The following AJAP1 variants were observed in gnomAD, a reference collection of about 807,000 sequenced individuals.
The protein encoded by AJAP1 is adherens junctions associated protein 1.
AJAP1 carries 5 observed loss-of-function variants against 35.0 expected under a neutral mutation model. The observed-to-expected ratio is 0.14, with a 90% confidence interval of 0.07 to 0.30. The LOEUF (loss-of-function observed/expected upper bound fraction) is 0.30, where lower values mean the gene tolerates loss of function less well. AJAP1 is among the 10% of genes least tolerant of loss of function. AJAP1 has a pLI of 1.00. For synonymous variants in AJAP1, 284 were observed against 249.3 expected, an observed-to-expected ratio of 1.14 and a Z score of -1.31; for missense variants, 586 against 571.0, an observed-to-expected ratio of 1.03 and a Z score of -0.27.
intron 2 of AJAP1, among the ~76,000 whole-genome samples, chr1:4,748,466 G>C (rs1641244140): frequency 6.6e-6 from 1 of 152,104 alleles, no homozygotes; most frequent in South Asian, 2.1e-4. Flanking sequence ...ACAGGGCTCT[G>C]GCTGGGTGCG....
intron 1 of AJAP1, among the ~76,000 whole-genome samples, chr1:4,685,307 G>T (rs1021341956): frequency 6.6e-6 from 1 of 152,144 alleles, no homozygotes. Flanking sequence ...GTATAATTCC[G>T]TATGAAAAAT....
intron 1 of AJAP1, among the ~76,000 whole-genome samples, chr1:4,676,628 C>T (rs115557235): frequency 0.012 from 1,852 of 152,116 alleles, 44 homozygotes; most frequent in African/African-American, 0.042. Context: ...GATGGGGGGA[C>T]GGGAGTGAGG....
At chr1:4,660,937 G>C (rs1638986251) in intron 1 of AJAP1, among the ~76,000 whole-genome samples, 1 of 152,182 alleles carries the variant, frequency 6.6e-6, no homozygotes, top group Non-Finnish European at 1.5e-5. Context: ...CAGGTTTTCG[G>C]GGTCAGCCCC....
At chr1:4,674,138 C>T (rs1188968345) in intron 1 of AJAP1, among the ~76,000 whole-genome samples, 2 of 151,498 alleles carry the variant, frequency 1.3e-5, no homozygotes, top group Non-Finnish European at 2.9e-5. Context: ...AATCTGGCCA[C>T]CCGATTTCCA....
intron 1 of AJAP1, among the ~76,000 whole-genome samples, chr1:4,678,072 C>A (rs1467442719): frequency 6.6e-6 from 1 of 152,150 alleles, no homozygotes; most frequent in African/African-American, 2.4e-5. Flanking sequence ...GAAAGCCATG[C>A]CAGCAAGACT....
intron 5 of AJAP1, 98 bp downstream of exon 5, chr1:4,774,656 G>C: frequency 2.9e-6 from 2 of 678,056 alleles, no homozygotes; most frequent in East Asian, 2.7e-5. Flanking sequence ...AGCTCTTTTA[G>C]ACATGGCGGG....
intron 2 of AJAP1, among the ~76,000 whole-genome samples, chr1:4,745,790 C>G (rs1417578095): frequency 6.6e-6 from 1 of 152,164 alleles, no homozygotes; most frequent in Non-Finnish European, 1.5e-5. Flanking sequence ...CTCTCCAAGG[C>G]CAGCGTCCTG....
rs1642165623 is a variant in AJAP1 at position 4,786,674 on chromosome 1, T to G, written c.*4189T>G. The G allele has an allele frequency of 6.6e-6, 1 of 152,204 alleles. No homozygotes were observed. The highest frequency in any genetic ancestry group is 2.4e-5 in the African/African-American group (1 of 41,464). The allele number at this position is 152,204 out of a possible 1,614,324, so 9.4% of individuals were successfully genotyped here. A position where few individuals can be genotyped will look rare whatever the true frequency, so the allele number is the denominator to read the frequency against. On this transcript the variant is annotated 3_prime_UTR_variant, in exon 6 of 6. Coordinates refer to ENST00000378191, the MANE Select transcript of AJAP1 (RefSeq NM_018836.4). The stretch of plus-strand genomic sequence containing the variant: ...TGGAGAGGTATTTTACCCTTTTGCT[T>G]CTTTGCTCAGGTGGTCCAGGGTTGT...
At chr1:4,732,568 A>G (rs1440976255) in intron 2 of AJAP1, among the ~76,000 whole-genome samples, 1 of 152,244 alleles carries the variant, frequency 6.6e-6, no homozygotes, top group African/African-American at 2.4e-5. Flanking sequence ...CACTCTGCCT[A>G]CAGACAGCCT....
intron 2 of AJAP1, among the ~76,000 whole-genome samples, chr1:4,759,966 A>G (rs1641526564): frequency 6.6e-6 from 1 of 152,126 alleles, no homozygotes; most frequent in African/African-American, 2.4e-5. Flanking sequence ...TCTCTTCCCC[A>G]AACCCTGAAC....
chr1:4,655,608 C>G lies in AJAP1; in HGVS notation c.29+154C>G, dbSNP rs1311559458. On this transcript the variant is annotated intron_variant, in intron 1 of 5. Coordinates refer to ENST00000378191, the MANE Select transcript of AJAP1 (RefSeq NM_018836.4). This position sits in a 1 kb window ranked among gnomAD's most constrained non-coding sequence, Gnocchi z 6.9. ...ACCGGTAGCCGGAAAGGGGCGCCCG[C>G]CCGGAGCCTGGAGCAGCACCGCGGC... Among the ~76,000 whole-genome samples, 1 of 151,250 alleles carries G rather than the reference C, an allele frequency of 6.6e-6. No individual in the cohort carries two copies. Among genetic ancestry groups the G allele is most frequent in the Admixed American group, 6.6e-5 (1 of 15,212 alleles).
At chr1:4,675,024 A>G (rs113541206) in intron 1 of AJAP1, among the ~76,000 whole-genome samples, 398 of 152,318 alleles carry the variant, frequency 2.6e-3, no homozygotes, top group Non-Finnish European at 4.4e-3. Flanking sequence ...TCCCTTTGCC[A>G]TGAAGCCCAG....
chr1:4,687,511 G>T (rs549709845), intron 1 of AJAP1, among the ~76,000 whole-genome samples: 1 of 152,202 alleles, frequency 6.6e-6, no homozygotes, highest in African/African-American at 2.4e-5. Context: ...CATGGGGAGG[G>T]CAAAGGTCAA....
chr1:4,738,745 C>T (rs904349475), intron 2 of AJAP1, among the ~76,000 whole-genome samples: 1 of 152,098 alleles, frequency 6.6e-6, no homozygotes, highest in African/African-American at 2.4e-5. Context: ...CTGTGGGAAG[C>T]GGGGAGCCCT....
Position 4,712,220 on chromosome 1 carries a change from T to C in AJAP1, c.350T>C (p.Leu117Pro). Reference protein sequence around the residue: ...QAAALVPKAGLAKPPAAAKSS... With the variant: ...QAAALVPKAGPAKPPAAAKSS... ...GCCGCCCTCGTGCCCAAGGCAGGACTGGCCAAGCCCCCAGCTGCTGCCAAA... is the reference window on the plus strand; with the variant it reads ...GCCGCCCTCGTGCCCAAGGCAGGACCGGCCAAGCCCCCAGCTGCTGCCAAA... The change falls in exon 2 of 6, where the codon CTG becomes CCG. Residue 117 changes from leucine to proline, a missense_variant. Physicochemically the swap from Leu to Pro is moderately conservative, Grantham distance 98 (BLOSUM62 -3). Coordinates refer to ENST00000378191, the MANE Select transcript of AJAP1 (RefSeq NM_018836.4). 1.3e-6 allele frequency: 2 copies of C among 1,546,584 alleles called. No individual in the cohort carries two copies. Among genetic ancestry groups the C allele is most frequent in the Non-Finnish European group, 1.7e-6 (2 of 1,154,636 alleles).
intron 2 of AJAP1, among the ~76,000 whole-genome samples, chr1:4,726,986 C>G (rs1367355154): frequency 6.6e-6 from 1 of 152,228 alleles, no homozygotes; most frequent in Non-Finnish European, 1.5e-5. Context: ...GGATGCGGAT[C>G]CCTGTGTGAG....
chr1:4,675,312 T>C (rs755719923), intron 1 of AJAP1, among the ~76,000 whole-genome samples: 28 of 152,154 alleles, frequency 1.8e-4, no homozygotes, highest in Non-Finnish European at 3.7e-4. Flanking sequence ...AAGACACAGA[T>C]GAAAGCCAGC....
rs562702613 is a variant in AJAP1, at chr1:4,735,632, A to G, written c.829+22933A>G. On this transcript the variant is annotated intron_variant, in intron 2 of 5. Transcript: ENST00000378191. ...TCTCTCCTCCCAGGCTGCCTGCTGT[A>G]CAGTGGGCACCTCTGCCTGCTGTGT... is the stretch of plus-strand genomic sequence containing the variant. Among the ~76,000 whole-genome samples the G allele has an allele frequency of 5.5e-4, 83 of 151,724 alleles. 1 individual carries two copies. Among genetic ancestry groups the G allele is most frequent in the African/African-American group, 1.9e-3 (77 of 41,346 alleles).
At position 4,723,170 on chromosome 1, in the gene AJAP1, T is replaced by A. The variant is rs1640561462; in HGVS notation, c.829+10471T>A. Among the ~76,000 whole-genome samples the A allele has an allele frequency of 6.6e-6, 1 of 152,162 alleles. No homozygotes were observed. Among genetic ancestry groups the A allele is most frequent in the South Asian group, 2.1e-4 (1 of 4,822 alleles). Reference sequence around the variant, plus strand: ...AGGTTTTAGTCTGAGCAACTCTTTCTTCAGCTGAAAGGGGTGCATTTAATT... The same window carrying A: ...AGGTTTTAGTCTGAGCAACTCTTTCATCAGCTGAAAGGGGTGCATTTAATT... On this transcript the variant is annotated intron_variant, in intron 2 of 5. Coordinates refer to ENST00000378191, the MANE Select transcript of AJAP1 (RefSeq NM_018836.4). The surrounding 1 kb of genome is among the most constrained non-coding windows in gnomAD (Gnocchi z 4.3).
Sources: allele counts gnomAD v4.1 joint callset (sites outside exome capture counted in the v4.1 genomes callset), GRCh38; gene constraint gnomAD v4.1.1; non-coding constraint Gnocchi (gnomAD v3.1); transcripts MANE v1.5; gene names NCBI Gene and HGNC (gene_info 2026-07-23, HGNC 2026-07-21).